OTOGL: variants seen among roughly 807,000 people sequenced by gnomAD.
OTOGL encodes the protein otogelin-like protein.
A neutral mutation model predicts 318.5 loss-of-function variants in OTOGL; 285 were observed. The observed-to-expected ratio is 0.89, with a 90% CI of 0.81 to 0.99. The LOEUF (loss-of-function observed/expected upper bound fraction) is 0.99, where lower values mean the gene tolerates loss of function less well. OTOGL is among the 50% of genes least tolerant of loss of function. The pLI is 0.00. For synonymous variants in OTOGL, 987 were observed against 936.5 expected (o/e 1.05, Z -0.99); for missense variants, 2,899 against 2,845.6 (o/e 1.02, Z -0.43).
chr12:80,143,308 T>A (rs1592489384), intron 1 of OTOGL, among the ~76,000 whole-genome samples: 1 of 152,142 alleles, frequency 6.6e-6, no homozygotes, highest in Non-Finnish European at 1.5e-5. Flanking sequence ...ATTGACTTCT[T>A]GGGTTTCCAA....
intron 6 of OTOGL, among the ~76,000 whole-genome samples, chr12:80,221,610 G>A (rs1301599054): frequency 6.6e-6 from 1 of 151,694 alleles, no homozygotes; most frequent in East Asian, 1.9e-4. Context: ...CCCACATCCA[G>A]GTCCCAGACA....
At chr12:80,233,600 A>G (rs1039659170) in intron 9 of OTOGL, among the ~76,000 whole-genome samples, 45 of 152,240 alleles carry the variant, frequency 3.0e-4, no homozygotes, top group African/African-American at 9.9e-4. Context: ...GTAACTTGGA[A>G]AGGTTTTATA....
At chr12:80,335,146 A>T (rs1461010199) in intron 38 of OTOGL, among the ~76,000 whole-genome samples, 2 of 152,130 alleles carry the variant, frequency 1.3e-5, no homozygotes, top group African/African-American at 4.8e-5. Flanking sequence ...GTTAATTTTT[A>T]TTCTGAAATC....
intron 4 of OTOGL, 103 bp downstream of exon 4, chr12:80,212,100 T>A: frequency 8.4e-7 from 1 of 1,194,706 alleles, no homozygotes; most frequent in East Asian, 2.6e-5. Context: ...GGGAATAAAA[T>A]GCTAAGAACA....
At position 80,318,307 on chromosome 12, in the gene OTOGL, A is replaced by G. The variant is rs192130528; in HGVS notation, c.3635-239A>G. Among the ~76,000 whole-genome samples the G allele has an allele frequency of 5.1e-3, 769 of 152,256 alleles. 8 individuals are homozygous for G. Among genetic ancestry groups the G allele is most frequent in the African/African-American group, 0.018 (739 of 41,558 alleles). On this transcript the variant is annotated intron_variant, in intron 32 of 58. Coordinates refer to ENST00000547103, the MANE Select transcript of OTOGL (RefSeq NM_001378609.3). ...CTGAGTGCAGTAAGATTAAACCTTTATGAAACAACTGATCACGTGTATATC... is the reference window on the plus strand; with the variant it reads ...CTGAGTGCAGTAAGATTAAACCTTTGTGAAACAACTGATCACGTGTATATC...
At chr12:80,277,117 ATTAT>A (rs1009823853) in intron 24 of OTOGL, among the ~76,000 whole-genome samples, 4 of 148,170 alleles carry the variant, frequency 2.7e-5, no homozygotes, top group Non-Finnish European at 6.0e-5. Context: ...TTTATTATTT[ATTAT>A]TTGTTATTTA....
At chr12:80,247,113 A>G (rs1409326608) in intron 11 of OTOGL, among the ~76,000 whole-genome samples, 38 of 139,696 alleles carry the variant, frequency 2.7e-4, no homozygotes, top group Non-Finnish European at 4.7e-4. Flanking sequence ...TCAAAAAACC[A>G]GCTCCTGGAT....
chr12:80,219,729 T>G, intron 5 of OTOGL, 85 bp from the exon 6 acceptor site: 1 of 865,884 alleles, frequency 1.2e-6, no homozygotes, highest in Non-Finnish European at 1.8e-6. Context: ...GTGATTACAA[T>G]TTGTCCAAGC....
chr12:80,153,505 A>G (rs2137174690), intron 1 of OTOGL, among the ~76,000 whole-genome samples: 1 of 152,248 alleles, frequency 6.6e-6, no homozygotes, highest in East Asian at 1.9e-4. Context: ...AACATCCCCC[A>G]CCAGAGTGGC....
chr12:80,199,090 T>C (rs1235264919), intron 1 of OTOGL, among the ~76,000 whole-genome samples: 1 of 152,222 alleles, frequency 6.6e-6, no homozygotes, highest in Non-Finnish European at 1.5e-5. Context: ...TGCCTTTAGC[T>C]TCTGTTATTG....
chr12:80,286,400 G>A (rs1884624395), intron 26 of OTOGL, among the ~76,000 whole-genome samples: 4 of 152,120 alleles, frequency 2.6e-5, no homozygotes, highest in African/African-American at 9.7e-5. Context: ...AATGAGTTAG[G>A]GAGTAGTCCC....
chr12:80,332,512 C>T (rs1888140198), intron 37 of OTOGL, among the ~76,000 whole-genome samples: 1 of 152,200 alleles, frequency 6.6e-6, no homozygotes, highest in Admixed American at 6.5e-5. Context: ...TCCTAAACCA[C>T]ACCCATCAAC....
chr12:80,116,102 A>G (rs1358844839), intron 1 of OTOGL, among the ~76,000 whole-genome samples: 13 of 152,160 alleles, frequency 8.5e-5, no homozygotes, highest in Non-Finnish European at 1.6e-4. Flanking sequence ...GGATGTGCAA[A>G]GAAACTCCTG....
At chr12:80,172,956 C>G (rs940674724) in intron 1 of OTOGL, among the ~76,000 whole-genome samples, 2 of 152,062 alleles carry the variant, frequency 1.3e-5, no homozygotes, top group Non-Finnish European at 2.9e-5. Context: ...GAGGAGGGAG[C>G]ACATCAGGAA....
At chr12:80,312,375 C>A (rs1250930376) in intron 30 of OTOGL, among the ~76,000 whole-genome samples, 16 of 152,140 alleles carry the variant, frequency 1.1e-4, no homozygotes, top group African/African-American at 3.9e-4. Context: ...TTCACTATTT[C>A]TTAGCATATA....
In OTOGL at chr12:80,110,067, CTTTTTTTTTT is replaced by C. The variant is rs35589524; in HGVS notation, c.-20+10472_-20+10481del. ...TACATTAGTTTTTTTTTCTTTCTTT[CTTTTTTTTTT>C]TTTTTTTTTGAGACGGAGTCTCACT... On this transcript the variant is annotated intron_variant, in intron 1 of 58. Transcript: ENST00000547103. 3.9e-5 allele frequency among the ~76,000 whole-genome samples: 4 copies of C among 103,762 alleles called. No homozygotes were observed. The East Asian group carries it at 1.0e-3, about 27-fold the overall frequency. 68.1% of individuals were successfully genotyped at this position (103,762 alleles called of 152,430 possible).
chr12:80,312,383 A>G (rs1475579474), intron 30 of OTOGL, among the ~76,000 whole-genome samples: 1 of 152,262 alleles, frequency 6.6e-6, no homozygotes, highest in African/African-American at 2.4e-5. Context: ...TTCTTAGCAT[A>G]TATAAATATT....
intron 7 of OTOGL, among the ~76,000 whole-genome samples, chr12:80,223,116 C>A (rs200916871): frequency 6.6e-6 from 1 of 151,950 alleles, no homozygotes; most frequent in African/African-American, 2.4e-5. Flanking sequence ...TTCCCACTTA[C>A]GAGTGAGAAC....
chr12:80,252,076 C>T lies in OTOGL; in HGVS notation c.1160C>T (p.Thr387Ile). ...AAGCTCCCCTGTTTGTCTGTTTTAG[C>T]TGATAAATGTGATGATAGCTTTGTC... is the stretch of plus-strand genomic sequence containing the variant. Reference protein sequence around the residue: ...QDWRDDFPACTDKCDDSFVHR... With the variant: ...QDWRDDFPACIDKCDDSFVHR... Residue 387 changes from threonine (T) to isoleucine (I), a missense_variant and splice_region_variant, in exon 13 of 59, where the codon ACT becomes ATT. Transcript: ENST00000547103. 1 of 1,539,198 alleles carries T rather than the reference C, an allele frequency of 6.5e-7. No individual in the cohort carries two copies. The highest frequency in any genetic ancestry group is 1.4e-5 in the African/African-American group (1 of 72,766).
Sources: allele counts gnomAD v4.1 joint callset (sites outside exome capture counted in the v4.1 genomes callset), GRCh38; gene constraint gnomAD v4.1.1; transcripts MANE v1.5; gene names NCBI Gene and HGNC (gene_info 2026-07-23, HGNC 2026-07-21).